Variants in DST observed in about 807,000 individuals in gnomAD.
DST encodes bullous pemphigoid antigen.
DST carries 253 observed loss-of-function variants against 875.2 expected under a neutral mutation model. The ratio of observed to expected loss-of-function variants is 0.29; its 90% CI spans 0.26 to 0.32. The LOEUF is 0.32. Ranked by LOEUF, DST falls within the 10% of genes least tolerant of loss-of-function variation. The pLI, the probability that DST is intolerant of heterozygous loss-of-function variation, is 1.00. For missense variants in DST, 8,287 were observed against 9,111.6 expected (o/e 0.91, Z 3.68); for synonymous variants, 3,124 against 3,197.1 (o/e 0.98, Z 0.77).
chr6:56,825,362 A>G (rs34082489), intron 4 of DST, among the ~76,000 whole-genome samples: 22,285 of 147,650 alleles, frequency 0.15, 1,755 homozygotes, highest in Middle Eastern at 0.18. Flanking sequence ...CAAACACTGC[A>G]GAAGGCCGCA....
intron 83 of DST, 120 bp from the exon 84 acceptor site, chr6:56,493,209 T>A: frequency 1.3e-6 from 1 of 752,788 alleles, no homozygotes; most frequent in Non-Finnish European, 2.0e-6. Context: ...GCATATCTAT[T>A]AATATATTAA....
intron 89 of DST, 134 bp downstream of exon 89, chr6:56,482,549 T>C: frequency 1.2e-6 from 1 of 820,580 alleles, no homozygotes; most frequent in South Asian, 2.2e-5. Flanking sequence ...CAAGGCAATG[T>C]TGCTATTAGA....
intron 4 of DST, among the ~76,000 whole-genome samples, chr6:56,788,754 T>C (rs543924131): frequency 1.3e-5 from 2 of 152,336 alleles, no homozygotes; most frequent in Middle Eastern, 3.4e-3. Context: ...AAATGTACCA[T>C]AACCTACTTA....
intron 49 of DST, among the ~76,000 whole-genome samples, chr6:56,581,363 G>A (rs1585502427): frequency 6.6e-6 from 1 of 152,176 alleles, no homozygotes; most frequent in East Asian, 1.9e-4. Context: ...TGATGGGGTG[G>A]AAATGGGCCC....
At chr6:56,805,982 C>T (rs1360070365) in intron 4 of DST, among the ~76,000 whole-genome samples, 2 of 152,200 alleles carry the variant, frequency 1.3e-5, no homozygotes, top group Non-Finnish European at 2.9e-5. Context: ...CTTTGCATTT[C>T]CCTGAAGGAC....
At chr6:56,630,872 T>A (rs1439801018) in intron 30 of DST, among the ~76,000 whole-genome samples, 1 of 150,096 alleles carries the variant, frequency 6.7e-6, no homozygotes, top group African/African-American at 2.4e-5. Flanking sequence ...AACCTCCACC[T>A]CCCGGGTTCA....
intron 4 of DST, among the ~76,000 whole-genome samples, chr6:56,750,771 G>C (rs2099584618): frequency 6.6e-6 from 1 of 152,130 alleles, no homozygotes; most frequent in South Asian, 2.1e-4. Flanking sequence ...ATTCTGTGTG[G>C]TAAAAACAAT....
intron 4 of DST, among the ~76,000 whole-genome samples, chr6:56,747,186 T>G (rs2152946793): frequency 6.6e-6 from 1 of 152,328 alleles, no homozygotes; most frequent in Non-Finnish European, 1.5e-5. Context: ...GCATTTGTCA[T>G]GAATCCAGAC....
At position 56,660,829 on chromosome 6, in the gene DST, A is replaced by G. The variant is rs59866096; in HGVS notation, c.1215-9585T>C. Among the ~76,000 whole-genome samples the G allele has an allele frequency of 7.8e-3, 1,177 of 151,802 alleles. 17 individuals carry two copies. Among genetic ancestry groups the G allele is most frequent in the African/African-American group, 0.027 (1,112 of 41,280 alleles). ...GTAGACAGCAAAGATGAGAAACAGT[A>G]TATTTTTTTCTACAAAGTGACTCTC... On this transcript the variant is annotated intron_variant, in intron 10 of 103. Transcript: ENST00000680361.
At chr6:56,683,859 A>G (rs539883632) in intron 9 of DST, among the ~76,000 whole-genome samples, 56 of 152,350 alleles carry the variant, frequency 3.7e-4, no homozygotes, top group African/African-American at 1.2e-3. Context: ...AGACCACTCA[A>G]TGAGAACCTA....
At chr6:56,947,283 G>A (rs1278577673) in intron 2 of DST, among the ~76,000 whole-genome samples, 42 of 121,936 alleles carry the variant, frequency 3.4e-4, no homozygotes, top group Non-Finnish European at 9.9e-5. Flanking sequence ...ACAGAATCTT[G>A]CTCTTTCACC....
chr6:56,553,844 G>T (rs1197503175), intron 60 of DST, among the ~76,000 whole-genome samples, 189 bp from the exon 61 acceptor site: 2 of 152,064 alleles, frequency 1.3e-5, no homozygotes, highest in Non-Finnish European at 2.9e-5. Context: ...GAAGTAGGCA[G>T]AAGAAAATAC....
chr6:56,665,259 C>T (rs2099066485), intron 10 of DST, among the ~76,000 whole-genome samples: 1 of 152,182 alleles, frequency 6.6e-6, no homozygotes, highest in African/African-American at 2.4e-5. Context: ...TAAACAACTT[C>T]ATTAAACCCT....
intron 2 of DST, among the ~76,000 whole-genome samples, chr6:56,939,750 C>T (rs905334097): frequency 1.3e-5 from 2 of 151,866 alleles, no homozygotes; most frequent in Non-Finnish European, 2.9e-5. Flanking sequence ...AGCAGCCGGG[C>T]GTGGTGGCTC....
chr6:56,836,505 T>C (rs529845533), intron 4 of DST, among the ~76,000 whole-genome samples: 31 of 152,260 alleles, frequency 2.0e-4, no homozygotes, highest in South Asian at 6.2e-4. Flanking sequence ...CACTTAACTT[T>C]TTATACACCA....
chr6:56,568,368 T>C, intron 55 of DST, 101 bp downstream of exon 55: 1 of 1,274,222 alleles, frequency 7.8e-7, no homozygotes, highest in Non-Finnish European at 1.1e-6. Flanking sequence ...TTTGTATTTC[T>C]GAGGTTATTT....
At chr6:56,941,679 TCATGTTGC>T (rs1816681701) in intron 2 of DST, among the ~76,000 whole-genome samples, 1 of 152,062 alleles carries the variant, frequency 6.6e-6, no homozygotes, top group Non-Finnish European at 1.5e-5. Context: ...CAGGGATTTG[TCATGTTGC>T]CCAGGCTGGT....
intron 5 of DST, among the ~76,000 whole-genome samples, chr6:56,707,263 A>G (rs1342566593): frequency 6.6e-6 from 1 of 152,194 alleles, no homozygotes; most frequent in Non-Finnish European, 1.5e-5. Flanking sequence ...TATAAGGCTA[A>G]GGCCTACTTA....
chr6:56,802,943 A>G (rs2099748962), intron 4 of DST, among the ~76,000 whole-genome samples: 1 of 152,246 alleles, frequency 6.6e-6, no homozygotes, highest in South Asian at 2.1e-4. Context: ...CCCAGAACAC[A>G]GAAAGAATAT....
Sources: gnomAD v4.1 joint callset for allele counts (sites outside exome capture counted in the v4.1 genomes callset) on GRCh38, gnomAD v4.1.1 for gene constraint, MANE v1.5 for transcripts, NCBI Gene and HGNC (gene_info 2026-07-23, HGNC 2026-07-21) for gene names.